Variants in RADIL observed in about 807,000 individuals in gnomAD.
The protein encoded by RADIL is ras-associating and dilute domain-containing protein.
RADIL carries 99 observed loss-of-function variants against 97.6 expected under a neutral mutation model. The observed-to-expected ratio is 1.01, with a 90% CI of 0.86 to 1.20. RADIL has a LOEUF of 1.20. RADIL is among the 50% of genes most tolerant of loss of function. The pLI, the probability that RADIL is intolerant of heterozygous loss-of-function variation, is 0.00. For synonymous variants in RADIL, 803 were observed against 691.8 expected (o/e 1.16, Z -2.52); for missense variants, 1,765 against 1,498.9 (o/e 1.18, Z -2.93).
rs1371317113 is a variant in RADIL at position 4,878,927 on chromosome 7, A to G, written c.-64-724T>C. Reference sequence around the variant, plus strand: ...GGCTGCGACGTGGGAAATGGGTCACAAACACAGTGCAACCAGGAAAACAGG... The same window carrying G: ...GGCTGCGACGTGGGAAATGGGTCACGAACACAGTGCAACCAGGAAAACAGG... On this transcript the variant is annotated intron_variant, in intron 1 of 14. Transcript: ENST00000399583. The surrounding 1 kb of genome is among the most constrained non-coding windows in gnomAD (Gnocchi z 4.1). 2.0e-5 allele frequency among the ~76,000 whole-genome samples: 3 copies of G among 152,242 alleles called. No individual in the cohort carries two copies. The highest frequency in any genetic ancestry group is 4.4e-5 in the Non-Finnish European group (3 of 68,032).
Position 4,836,447 on chromosome 7 carries a change from C to G in RADIL, c.694G>C (p.Gly232Arg). The G allele has an allele frequency of 6.3e-7, 1 of 1,599,844 alleles. No homozygotes were observed. The highest frequency in any genetic ancestry group is 8.5e-7 in the Non-Finnish European group (1 of 1,173,400). The change falls in exon 3 of 15, where the codon GGC becomes CGC. Residue 232 changes from glycine to arginine, a missense_variant. Gly to Arg is a moderately radical substitution (Grantham distance 125, BLOSUM62 -2). Transcript: ENST00000399583. Reference protein sequence around the residue: ...PVNALPAAAQGPEEPGPDAMR... With the variant: ...PVNALPAAAQRPEEPGPDAMR... ...GCGTCGGGGCCGGGCTCCTCGGGGC[C>G]CTGGGCGGCAGCGGGCAGGGCGTTC...
rs762753279 is a variant in RADIL at position 4,835,651 on chromosome 7, G to A, written c.784-412C>T. On this transcript the variant is annotated intron_variant, in intron 3 of 14. Transcript: ENST00000399583. This position sits in a 1 kb window ranked among gnomAD's most constrained non-coding sequence, Gnocchi z 5.8. ...CCCCAGTGTGGGAGCACTGCCGCCT[G>A]TGTGAGAGCACTGCCCCGAGGGAAG... Among the ~76,000 whole-genome samples the A allele has an allele frequency of 6.6e-5, 10 of 152,084 alleles. No homozygotes were observed. The highest frequency in any genetic ancestry group is 1.2e-4 in the Non-Finnish European group (8 of 67,964).
At chr7:4,800,637 C>A (rs1309318975) in intron 12 of RADIL, among the ~76,000 whole-genome samples, 1 of 152,096 alleles carries the variant, frequency 6.6e-6, no homozygotes, top group Non-Finnish European at 1.5e-5. Context: ...AATCTCTGCT[C>A]CTCCTCCTCC....
Position 4,798,286 on chromosome 7 carries a change from GGGGGCAGCGTGGAGCTGCACGAGGCCCA to G in RADIL, c.*1064_*1091del, listed in dbSNP as rs1433716480. 1 of 152,124 alleles carries G rather than the reference GGGGGCAGCGTGGAGCTGCACGAGGCCCA, an allele frequency of 6.6e-6. No individual in the cohort carries two copies. Among genetic ancestry groups the G allele is most frequent in the Non-Finnish European group, 1.5e-5 (1 of 68,028 alleles). The allele number at this position is 152,124 out of a possible 1,614,324, so 9.4% of individuals were successfully genotyped here. A position where few individuals can be genotyped will look rare whatever the true frequency, so the allele number is the denominator to read the frequency against. The stretch of plus-strand genomic sequence containing the variant: ...CTGCACCTCGCCGTAGCGCACACCA[GGGGGCAGCGTGGAGCTGCACGAGGCCCA>G]GGGCCTGGGACAGACCCAGGACACC... On this transcript the variant is annotated 3_prime_UTR_variant, in exon 15 of 15. Coordinates refer to ENST00000399583, the MANE Select transcript of RADIL (RefSeq NM_018059.5).
chr7:4,847,149 C>A (rs139131010), intron 2 of RADIL, among the ~76,000 whole-genome samples: 5 of 152,050 alleles, frequency 3.3e-5, no homozygotes, highest in African/African-American at 4.8e-5. Flanking sequence ...GGTAAAACCC[C>A]GTCTCTACTA....
At chr7:4,860,998 C>A in intron 2 of RADIL, 1 of 1,614,202 alleles carries the variant, frequency 6.2e-7, no homozygotes, top group Non-Finnish European at 8.5e-7. Context: ...AGAAGAATTT[C>A]CGTACAAGAG....
Position 4,817,534 on chromosome 7 carries a change from C to G in RADIL, c.1616-183G>C, listed in dbSNP as rs556527247. Among the ~76,000 whole-genome samples, 505 of 152,262 alleles carry G rather than the reference C, an allele frequency of 3.3e-3. 1 individual carries two copies. The highest frequency in any genetic ancestry group is 5.7e-3 in the Non-Finnish European group (387 of 68,010). ...GCTGGGACGAGCGCAGCAAACCTGC[C>G]GCCACTCTTACCTGGGGAGGGGAAT... On this transcript the variant is annotated intron_variant, in intron 6 of 14. Transcript: ENST00000399583. This position sits in a 1 kb window ranked among gnomAD's most constrained non-coding sequence, Gnocchi z 8.3.
At position 4,800,292 on chromosome 7, in the gene RADIL, G is replaced by C. The variant is rs202055380; in HGVS notation, c.2861C>G (p.Ala954Gly). The C allele has an allele frequency of 7.4e-6, 11 of 1,495,230 alleles. No homozygotes were observed. Among genetic ancestry groups the C allele is most frequent in the African/African-American group, 2.9e-5 (2 of 70,112 alleles). 92.6% of individuals were successfully genotyped at this position (1,495,230 alleles called of 1,614,324 possible). The stretch of plus-strand genomic sequence containing the variant: ...GGACGGGGCTGGAGGGGACTCCTCC[G>C]CAAGGGCTGCAGAGTCTCCTGGGTG... The part of the protein sequence containing the change: ...AAPEGDSAAL[A>G]EESPPAPSSR... Residue 954 changes from alanine to glycine, a missense_variant, in exon 13 of 15, where the codon GCG (alanine) becomes GGG (glycine). Coordinates refer to ENST00000399583, the MANE Select transcript of RADIL (RefSeq NM_018059.5).
At chr7:4,827,410 A>T (rs1439690330) in intron 5 of RADIL, among the ~76,000 whole-genome samples, 3 of 151,382 alleles carry the variant, frequency 2.0e-5, no homozygotes, top group African/African-American at 7.3e-5. Context: ...CTGTAATCCC[A>T]GCACTTTGGG....
chr7:4,874,417 A>G (rs1224653695), intron 2 of RADIL, among the ~76,000 whole-genome samples: 1 of 152,160 alleles, frequency 6.6e-6, no homozygotes, highest in Non-Finnish European at 1.5e-5. Context: ...GAGGCTCAAT[A>G]ACCGTTCTGT....
intron 10 of RADIL, chr7:4,805,296 A>C: frequency 4.9e-5 from 19 of 389,774 alleles, no homozygotes; most frequent in Middle Eastern, 6.8e-4. Context: ...CCGTGAGGGA[A>C]CGAGGGGGCC....
chr7:4,824,275 C>G lies in RADIL; in HGVS notation c.1455-1721G>C, dbSNP rs1235224613. On this transcript the variant is annotated intron_variant, in intron 5 of 14. Coordinates refer to ENST00000399583, the MANE Select transcript of RADIL (RefSeq NM_018059.5). This position sits in a 1 kb window ranked among gnomAD's most constrained non-coding sequence, Gnocchi z 6.7. ...GCAGGGCATGGTGCCAGCCCAGTGC[C>G]TGACCCCAGTCCCGGGGCAGAGCCA... Among the ~76,000 whole-genome samples, 1 of 152,238 alleles carries G rather than the reference C, an allele frequency of 6.6e-6. No homozygotes were observed. The highest frequency in any genetic ancestry group is 6.5e-5 in the Admixed American group (1 of 15,286).
At chr7:4,801,012 G>GCA (rs894645316) in intron 12 of RADIL, among the ~76,000 whole-genome samples, 1 of 152,166 alleles carries the variant, frequency 6.6e-6, no homozygotes, top group Non-Finnish European at 1.5e-5. Flanking sequence ...GGCCAGCTGC[G>GCA]CACACACACT....
intron 2 of RADIL, among the ~76,000 whole-genome samples, chr7:4,862,758 G>A (rs1425453455): frequency 6.6e-5 from 10 of 152,014 alleles, no homozygotes; most frequent in African/African-American, 1.5e-4. Flanking sequence ...TTAGCCGGGC[G>A]TGGTGGTGCA....
chr7:4,860,833 G>C (rs373161576), intron 2 of RADIL: 12 of 1,614,016 alleles, frequency 7.4e-6, no homozygotes, highest in Non-Finnish European at 1.0e-5. Context: ...CGTTGTATGT[G>C]GAGTTCTGCT....
rs1046971312 is a variant in RADIL, at chr7:4,879,032, G to T, written c.-64-829C>A. Among the ~76,000 whole-genome samples, 6 of 152,220 alleles carry T rather than the reference G, an allele frequency of 3.9e-5. No individual in the cohort carries two copies. Among genetic ancestry groups the T allele is most frequent in the African/African-American group, 1.4e-4 (6 of 41,466 alleles). On this transcript the variant is annotated intron_variant, in intron 1 of 14. Coordinates refer to ENST00000399583, the MANE Select transcript of RADIL (RefSeq NM_018059.5). The surrounding 1 kb of genome is among the most constrained non-coding windows in gnomAD (Gnocchi z 4.1). ...CCAGAATCTACCCCTCAGGGCAAGAGACCCGTCCTGGCTTGAAGGAGATAC... is the reference window on the plus strand; with the variant it reads ...CCAGAATCTACCCCTCAGGGCAAGATACCCGTCCTGGCTTGAAGGAGATAC...
At chr7:4,820,929 G>T (rs947528652) in intron 6 of RADIL, among the ~76,000 whole-genome samples, 1 of 152,218 alleles carries the variant, frequency 6.6e-6, no homozygotes. Context: ...TAAGGCATGG[G>T]GGGGCACAGC....
rs1317638725 is a variant in RADIL at position 4,877,730 on chromosome 7, C to T, written c.410G>A (p.Ser137Asn). The change falls in exon 2 of 15, where the codon AGT becomes AAT. Residue 137 changes from serine (S) to asparagine (N), a missense_variant. Coordinates refer to ENST00000399583, the MANE Select transcript of RADIL (RefSeq NM_018059.5). ...QARCFRVFGD[S>N]EKPLLIQELW... The stretch of plus-strand genomic sequence containing the variant: ...TTCCTGGATCAAGAGGGGCTTCTCA[C>T]TGTCCCCAAACACCCGAAAGCACCG... 3.1e-6 allele frequency: 5 copies of T among 1,614,074 alleles called. No homozygotes were observed. Among genetic ancestry groups the T allele is most frequent in the East Asian group, 2.2e-5 (1 of 44,884 alleles).
intron 1 of RADIL, among the ~76,000 whole-genome samples, chr7:4,881,101 TAAAAAAAA>T (rs58900044): frequency 3.6e-5 from 2 of 55,180 alleles, no homozygotes; most frequent in African/African-American, 1.2e-4. Flanking sequence ...CCCTCTCTGT[TAAAAAAAA>T]AAAAAAAAAA....
Sources: gnomAD v4.1 joint callset for allele counts (sites outside exome capture counted in the v4.1 genomes callset) on GRCh38, gnomAD v4.1.1 for gene constraint, Gnocchi (gnomAD v3.1) non-coding constraint, MANE v1.5 for transcripts, NCBI Gene and HGNC (gene_info 2026-07-23, HGNC 2026-07-21) for gene names.